FBLN5: variants seen among roughly 807,000 people sequenced by gnomAD.
FBLN5 encodes the protein fibulin-5.
FBLN5 carries 24 observed loss-of-function variants against 61.6 expected under a neutral mutation model. That is an observed-to-expected ratio of 0.39 (90% CI 0.28 to 0.55). The LOEUF (loss-of-function observed/expected upper bound fraction) is 0.55. Ranked by LOEUF, FBLN5 falls within the 20% of genes least tolerant of loss-of-function variation. FBLN5 has a pLI of 0.65. For synonymous variants in FBLN5, 213 were observed against 219.8 expected, an observed-to-expected ratio of 0.97 and a Z score of 0.27; for missense variants, 470 against 594.1, an observed-to-expected ratio of 0.79 and a Z score of 2.17.
At position 91,943,098 on chromosome 14, in the gene FBLN5, C is replaced by A; in HGVS notation, c.18-137G>T. 1 of 709,214 alleles carries A rather than the reference C, an allele frequency of 1.4e-6. No homozygotes were observed. The allele number at this position is 709,214 out of a possible 1,614,324, so 43.9% of individuals were successfully genotyped here. A position where few individuals can be genotyped will look rare whatever the true frequency, so the allele number is the denominator to read the frequency against. ...GGGGTGGGGTGTGCTCCAGGGAGGT[C>A]ATGGTGGTTCCAGACACCGCGACCA... On this transcript the variant is annotated intron_variant, in intron 1 of 10. Coordinates refer to ENST00000342058, the MANE Select transcript of FBLN5 (RefSeq NM_006329.4). This position sits in a 1 kb window ranked among gnomAD's most constrained non-coding sequence, Gnocchi z 4.0.
chr14:91,914,039 C>T (rs1470564779), intron 4 of FBLN5, among the ~76,000 whole-genome samples: 2 of 152,118 alleles, frequency 1.3e-5, no homozygotes, highest in African/African-American at 4.8e-5. Context: ...GCTAAGCAAC[C>T]AGCTTAAGAA....
chr14:91,924,768 G>A (rs1403283640), intron 4 of FBLN5, among the ~76,000 whole-genome samples: 1 of 152,166 alleles, frequency 6.6e-6, no homozygotes, highest in Non-Finnish European at 1.5e-5. Context: ...TGGAGTGTGA[G>A]CTGGAGAATA....
intron 3 of FBLN5, 114 bp from the exon 4 acceptor site, chr14:91,937,315 G>A (rs2056035726): frequency 1.4e-6 from 2 of 1,419,346 alleles, no homozygotes; most frequent in Admixed American, 3.8e-5. Context: ...AACACCTAGG[G>A]TGGTCCCAAC....
At chr14:91,932,364 C>T (rs1255624469) in intron 4 of FBLN5, among the ~76,000 whole-genome samples, 2 of 152,156 alleles carry the variant, frequency 1.3e-5, no homozygotes, top group Non-Finnish European at 2.9e-5. Context: ...TAGTCACCTC[C>T]AAAGTGGAAC....
At chr14:91,909,862 AAAC>A (rs946610086) in intron 4 of FBLN5, among the ~76,000 whole-genome samples, 54 of 152,350 alleles carry the variant, frequency 3.5e-4, no homozygotes, top group African/African-American at 1.3e-3. Flanking sequence ...TAAAAACAAA[AAAC>A]AACAACAAAA....
Position 91,917,444 on chromosome 14 carries a change from C to T in FBLN5, c.379+19503G>A, listed in dbSNP as rs144104029. Among the ~76,000 whole-genome samples, 312 of 151,924 alleles carry T rather than the reference C, an allele frequency of 2.1e-3. 2 individuals carry two copies. The highest frequency in any genetic ancestry group is 7.1e-3 in the African/African-American group (294 of 41,458). ...TACACACATTAGCTGGGCATGGTGG[C>T]GTGCAACTGTAGTCCCAGCTACTCG... On this transcript the variant is annotated intron_variant, in intron 4 of 10. Coordinates refer to ENST00000342058, the MANE Select transcript of FBLN5 (RefSeq NM_006329.4).
intron 3 of FBLN5, 50 bp from the exon 4 acceptor site, chr14:91,937,251 G>T: frequency 6.2e-7 from 1 of 1,611,978 alleles, no homozygotes. Context: ...ACTGCCTTGT[G>T]TCCGGTGCAT....
In FBLN5 at chr14:91,870,325, T is replaced by C. The variant is rs1195025685; in HGVS notation, c.1246A>G (p.Ile416Val). Residue 416 changes from isoleucine (I) to valine (V), a missense_variant, in exon 11 of 11, where the codon ATC becomes GTC. Coordinates refer to ENST00000342058, the MANE Select transcript of FBLN5 (RefSeq NM_006329.4). ...GTGATCATTTCCAAGTCCAGCTGGA[T>C]TTCCCGGGGCCCTTTGATGGGGCGT... ...MTRPIKGPRE[I>V]QLDLEMITVN... The C allele has an allele frequency of 1.9e-6, 3 of 1,614,172 alleles. No individual in the cohort carries two copies. The highest frequency in any genetic ancestry group is 2.5e-6 in the Non-Finnish European group (3 of 1,180,020).
chr14:91,878,952 C>T (rs1196069606), intron 9 of FBLN5, among the ~76,000 whole-genome samples: 1 of 152,172 alleles, frequency 6.6e-6, no homozygotes, highest in Non-Finnish European at 1.5e-5. Context: ...CACTGGCACA[C>T]ACCCATAGTC....
At chr14:91,917,807 T>A (rs1287651513) in intron 4 of FBLN5, among the ~76,000 whole-genome samples, 1 of 152,130 alleles carries the variant, frequency 6.6e-6, no homozygotes, top group Non-Finnish European at 1.5e-5. Flanking sequence ...GAGTAACAAG[T>A]GAATGTATTT....
chr14:91,890,981 C>A (rs998544924), intron 6 of FBLN5, among the ~76,000 whole-genome samples: 4 of 152,224 alleles, frequency 2.6e-5, no homozygotes, highest in Non-Finnish European at 5.9e-5. Context: ...AAACTGTACA[C>A]TCCCAGCCAG....
rs750632526 is a variant in FBLN5, at chr14:91,947,168, G to C, written c.17+45C>G. On this transcript the variant is annotated intron_variant, in intron 1 of 10. Coordinates refer to ENST00000342058, the MANE Select transcript of FBLN5 (RefSeq NM_006329.4). This position sits in a 1 kb window ranked among gnomAD's most constrained non-coding sequence, Gnocchi z 4.3. ...TTCCACCCATCGGATTTTTAGCAAG[G>C]CTTCCAGACCCTGGAGAAAGAAAAG... The C allele has an allele frequency of 1.9e-6, 3 of 1,613,554 alleles. No individual in the cohort carries two copies. Among genetic ancestry groups the C allele is most frequent in the Non-Finnish European group, 1.7e-6 (2 of 1,179,598 alleles).
chr14:91,913,688 A>G (rs937644149), intron 4 of FBLN5, among the ~76,000 whole-genome samples: 2 of 152,254 alleles, frequency 1.3e-5, no homozygotes, highest in African/African-American at 4.8e-5. Flanking sequence ...TCATTCAATT[A>G]TATCAGCAAA....
intron 6 of FBLN5, among the ~76,000 whole-genome samples, chr14:91,889,726 G>T (rs1224756073): frequency 2.0e-5 from 3 of 152,234 alleles, no homozygotes; most frequent in Admixed American, 6.5e-5. Flanking sequence ...GCGACGCCCT[G>T]TGCTGCCCAT....
intron 10 of FBLN5, 120 bp from the exon 11 acceptor site, chr14:91,870,505 G>T: frequency 1.1e-6 from 1 of 945,092 alleles, no homozygotes; most frequent in Non-Finnish European, 1.7e-6. Flanking sequence ...CCTCAACTGT[G>T]CCATGCTCTT....
chr14:91,937,123 C>T lies in FBLN5; in HGVS notation c.203G>A (p.Cys68Tyr). 1 of 1,614,082 alleles carries T rather than the reference C, an allele frequency of 6.2e-7. No homozygotes were observed. The highest frequency in any genetic ancestry group is 8.5e-7 in the Non-Finnish European group (1 of 1,180,012). The change falls in exon 4 of 11, where the codon TGC becomes TAC. Residue 68 changes from cysteine to tyrosine, a missense_variant. Physicochemically the swap from Cys to Tyr is radical, Grantham distance 194 (BLOSUM62 -2). Transcript: ENST00000342058. ...MCVNQNGGYL[C>Y]IPRTNPVYRG... ...ATACACAGGGTTTGTCCGGGGAATG[C>T]ATAAATACCCGCCATTTTGGTTAAC...
In FBLN5 at chr14:91,937,071, C is replaced by A; in HGVS notation, c.255G>T (p.Ser85=). The change falls in exon 4 of 11, where the codon TCG becomes TCT. Residue 85 remains serine, a synonymous_variant. Transcript: ENST00000342058. ...CTGGGTACGGACCTGAGTAGGGGGT[C>A]GAGTAGGGGTTCGAGTAGGGCCCTC... ...VYRGPYSNPY[S]TPYSGPYPAA... 5.6e-6 allele frequency: 9 copies of A among 1,613,556 alleles called. No homozygotes were observed. The highest frequency in any genetic ancestry group is 7.6e-6 in the Non-Finnish European group (9 of 1,179,834).
chr14:91,895,886 G>A (rs1003387657), intron 4 of FBLN5, among the ~76,000 whole-genome samples: 7 of 150,668 alleles, frequency 4.6e-5, no homozygotes, highest in African/African-American at 1.7e-4. Context: ...AAAATCTTTC[G>A]GTCTGAAGCT....
chr14:91,877,910 A>T, intron 9 of FBLN5: 1 of 629,352 alleles, frequency 1.6e-6, no homozygotes, highest in South Asian at 1.6e-5. Context: ...TGTTCTGGCT[A>T]CTAAATAGAA....
Sources: allele counts gnomAD v4.1 joint callset (sites outside exome capture counted in the v4.1 genomes callset), GRCh38; gene constraint gnomAD v4.1.1; non-coding constraint Gnocchi (gnomAD v3.1); transcripts MANE v1.5; gene names NCBI Gene and HGNC (gene_info 2026-07-23, HGNC 2026-07-21).